TAF7L: variants seen among roughly 807,000 people sequenced by gnomAD.
The protein encoded by TAF7L is transcription initiation factor TFIID subunit 7-like.
TAF7L carries 6 observed loss-of-function variants against 30.2 expected under a neutral mutation model. The ratio of observed to expected loss-of-function variants is 0.20; its 90% CI spans 0.11 to 0.39. The LOEUF is 0.39. TAF7L is among the 10% of genes least tolerant of loss of function. The pLI, the probability that TAF7L is intolerant of heterozygous loss-of-function variation, is 1.00. For missense variants in TAF7L, 284 were observed against 277.1 expected (o/e 1.03, Z -0.18); for synonymous variants, 93 against 94.5 (o/e 0.98, Z 0.09).
chrX:101,276,103 A>C lies in TAF7L; in HGVS notation c.923T>G (p.Ile308Ser). 1.7e-6 allele frequency: 2 copies of C among 1,196,217 alleles called. No homozygotes were observed. Among genetic ancestry groups the C allele is most frequent in the Non-Finnish European group, 2.3e-6 (2 of 887,152 alleles). The change falls in exon 11 of 13, where the codon ATT becomes AGT. Residue 308 changes from isoleucine (I) to serine (S), a missense_variant. Coordinates refer to ENST00000356784, the MANE Select transcript of TAF7L (RefSeq NM_001168474.2). ...CTCCTTTTTCTCAATCTGCTTCTGA[A>C]TTTCCATGACTAATAGAGAAACATA... The part of the protein sequence containing the change: ...NEGTSSIVME[I>S]QKQIEKKEKK...
chrX:101,282,489 C>A (rs1924447950), intron 4 of TAF7L, 36 bp from the exon 5 acceptor site: 3 of 1,203,309 alleles, frequency 2.5e-6, no homozygotes, highest in Non-Finnish European at 3.4e-6. Flanking sequence ...TGACTATGAC[C>A]ACGAATTTTG....
Position 101,272,751 on chromosome X carries a change from G to A in TAF7L, c.1086+2471C>T, listed in dbSNP as rs765934032. ...AACTCTGAATATGCTAAAAGCCACTGAATTGTATAGTTTAAATGGGTGACT... is the reference window on the plus strand; with the variant it reads ...AACTCTGAATATGCTAAAAGCCACTAAATTGTATAGTTTAAATGGGTGACT... On this transcript the variant is annotated intron_variant, in intron 12 of 12. Coordinates refer to ENST00000356784, the MANE Select transcript of TAF7L (RefSeq NM_001168474.2). Among the ~76,000 whole-genome samples, 9 of 111,356 alleles carry A rather than the reference G, an allele frequency of 8.1e-5. No homozygotes were observed. The East Asian group carries it at 2.3e-3, about 28-fold the overall frequency.
rs375001820 is a variant in TAF7L, at chrX:101,278,136, G to C, written c.505-15C>G. The C allele has an allele frequency of 8.6e-7, 1 of 1,167,445 alleles. No individual in the cohort carries two copies. The highest frequency in any genetic ancestry group is 1.2e-6 in the Non-Finnish European group (1 of 856,816). On this transcript the variant is annotated splice_polypyrimidine_tract_variant and intron_variant, in intron 7 of 12. Transcript: ENST00000356784. ...GATTCAATGTACTGAAGCAAAGTTG[G>C]GGATTAGAGGGGGATACCAATACTG...
intron 3 of TAF7L, 47 bp from the exon 4 acceptor site, chrX:101,283,630 T>G: frequency 1.7e-6 from 2 of 1,184,959 alleles, no homozygotes; most frequent in Non-Finnish European, 2.3e-6. Context: ...AGTGAACTCT[T>G]AAACTTCCTA....
chrX:101,276,206 G>A (rs1290645773), intron 10 of TAF7L, 94 bp from the exon 11 acceptor site: 13 of 1,183,353 alleles, frequency 1.1e-5, no homozygotes, highest in East Asian at 3.0e-5. Context: ...ACATCGAAGC[G>A]ATAACTTCTT....
chrX:101,283,408 T>G (rs1451425296), intron 4 of TAF7L, 42 bp downstream of exon 4: 67 of 1,177,516 alleles, frequency 5.7e-5, no homozygotes, highest in Non-Finnish European at 7.3e-5. Context: ...AGAAAAGAAT[T>G]CCTTGAAGGA....
chrX:101,292,723 C>A (rs769791146), upstream of TAF7L: 7 of 1,166,689 alleles, frequency 6.0e-6, no homozygotes, highest in Non-Finnish European at 8.0e-6. Context: ...TTGAATCGAA[C>A]TAAAAGCAGT....
chrX:101,292,229 A>C, upstream of TAF7L, among the ~76,000 whole-genome samples: 1 of 78,256 alleles, frequency 1.3e-5, no homozygotes, highest in Non-Finnish European at 2.3e-5. Context: ...ACAGAGCGAG[A>C]CTCCGTCTCA....
At chrX:101,271,377 A>G (rs759798552) in intron 12 of TAF7L, among the ~76,000 whole-genome samples, 20 of 112,166 alleles carry the variant, frequency 1.8e-4, no homozygotes, top group African/African-American at 6.5e-4. Flanking sequence ...CTACACACCT[A>G]GGCTACATAG....
rs1923854730 is a variant in TAF7L, at chrX:101,268,260, A to G, written c.*933T>C. The G allele has an allele frequency of 8.9e-6, 1 of 112,198 alleles. No homozygotes were observed. Among genetic ancestry groups the G allele is most frequent in the South Asian group, 3.7e-4 (1 of 2,719 alleles). 9.2% of individuals were successfully genotyped at this position (112,198 alleles called of 1,213,427 possible). On this transcript the variant is annotated 3_prime_UTR_variant, in exon 13 of 13. Coordinates refer to ENST00000356784, the MANE Select transcript of TAF7L (RefSeq NM_001168474.2). ...TTAATAAATTGACAACAATCCATTT[A>G]AAATGAACAATTTATTTATTGCTTA...
chrX:101,292,719 C>T (rs1028918983), upstream of TAF7L: 8 of 1,145,387 alleles, frequency 7.0e-6, no homozygotes, highest in Non-Finnish European at 9.3e-6. Context: ...AATTTTGAAT[C>T]GAACTAAAAG....
chrX:101,278,878 G>T (rs1460650617), intron 7 of TAF7L, 116 bp downstream of exon 7: 1 of 625,099 alleles, frequency 1.6e-6, no homozygotes, highest in East Asian at 3.3e-5. Context: ...AGGGTTAGAG[G>T]TGAGAAGGAA....
chrX:101,270,136 G>T (rs1923921251), intron 12 of TAF7L, among the ~76,000 whole-genome samples: 1 of 111,864 alleles, frequency 8.9e-6, no homozygotes, highest in African/African-American at 3.3e-5. Flanking sequence ...TGAACATTTT[G>T]TGGTATAGGA....
chrX:101,283,796 T>C lies in TAF7L; in HGVS notation c.146-213A>G, dbSNP rs185276936. 5.8e-3 allele frequency among the ~76,000 whole-genome samples: 645 copies of C among 112,131 alleles called. 11 individuals carry two copies. Among genetic ancestry groups the C allele is most frequent in the Admixed American group, 0.048 (508 of 10,489 alleles). Reference sequence around the variant, plus strand: ...CTTTTTTCCTAGTTTACGTCACTTGTGCAAAAGTAGCTAAGTTTCTTGTTA... The same window carrying C: ...CTTTTTTCCTAGTTTACGTCACTTGCGCAAAAGTAGCTAAGTTTCTTGTTA... On this transcript the variant is annotated intron_variant, in intron 3 of 12. Coordinates refer to ENST00000356784, the MANE Select transcript of TAF7L (RefSeq NM_001168474.2).
intron 4 of TAF7L, 33 bp from the exon 5 acceptor site, chrX:101,282,486 G>A (rs911807167): frequency 3.3e-6 from 4 of 1,206,380 alleles, no homozygotes; most frequent in Non-Finnish European, 4.5e-6. Context: ...AGTTGACTAT[G>A]ACCACGAATT....
rs1182359769 is a variant in TAF7L, at chrX:101,269,175, C to T, written c.*18G>A. ...GGATGGTGAATCCAAGGTTTGTGGG[C>T]CACGCCAATGGCTCTCCTCACTTCT... On this transcript the variant is annotated 3_prime_UTR_variant, in exon 13 of 13. Transcript: ENST00000356784. 8.3e-7 allele frequency: 1 copy of T among 1,203,060 alleles called. No homozygotes were observed. The highest frequency in any genetic ancestry group is 1.8e-5 in the African/African-American group (1 of 57,128).
At chrX:101,278,925 T>C (rs1310752055) in intron 7 of TAF7L, 69 bp downstream of exon 7, 1 of 984,915 alleles carries the variant, frequency 1.0e-6, no homozygotes, top group African/African-American at 1.9e-5. Context: ...TTTGATTCAT[T>C]TGAAACTAAT....
At chrX:101,269,422 C>T (rs765029163) in intron 12 of TAF7L, among the ~76,000 whole-genome samples, 185 bp from the exon 13 acceptor site, 16 of 112,281 alleles carry the variant, frequency 1.4e-4, no homozygotes, top group Non-Finnish European at 2.6e-4. Context: ...ACTGCTGTGG[C>T]CATGATGATG....
At chrX:101,281,885 C>CA in intron 5 of TAF7L, 110 bp from the exon 6 acceptor site, 2 of 443,814 alleles carry the variant, frequency 4.5e-6, no homozygotes, top group South Asian at 4.3e-5. Context: ...GACATCACTC[C>CA]TTTTTTTTTT....
Sources: allele counts gnomAD v4.1 joint callset (sites outside exome capture counted in the v4.1 genomes callset), GRCh38; gene constraint gnomAD v4.1.1; transcripts MANE v1.5; gene names NCBI Gene and HGNC (gene_info 2026-07-23, HGNC 2026-07-21).